TCF12: variants seen among roughly 807,000 people sequenced by gnomAD.
TCF12 encodes DNA-binding protein HTF4.
In TCF12, 45 loss-of-function variants were observed where a neutral mutation model predicts 86.0. The observed-to-expected ratio is 0.52, with a 90% CI of 0.41 to 0.67. The LOEUF is 0.67. Among genes scored for constraint, TCF12 ranks in the 30% least tolerant of loss-of-function variants. The probability of loss-of-function intolerance (pLI) is 0.00; values close to 1 mark genes in which losing one functional copy is unlikely to be tolerated. For synonymous variants in TCF12, 330 were observed against 299.6 expected (o/e 1.10, Z -1.05); for missense variants, 881 against 859.9 (o/e 1.02, Z -0.31).
upstream of TCF12, chr15:56,918,353 C>A (rs1203450624): frequency 7.0e-6 from 3 of 425,632 alleles, no homozygotes; most frequent in East Asian, 1.5e-4. Context: ...GAGGAGGCGC[C>A]ACGGTACCTG....
At chr15:57,177,559 C>T (rs1230546509) in intron 6 of TCF12, among the ~76,000 whole-genome samples, 1 of 145,886 alleles carries the variant, frequency 6.9e-6, no homozygotes, top group South Asian at 2.2e-4. Flanking sequence ...GCGTGAGCCA[C>T]TGTGCCCAGT....
chr15:57,093,176 A>T lies in TCF12; in HGVS notation c.325+1285A>T, dbSNP rs529615040. ...GGTATTATATGTATTATCATTCCAGATAAAAAAATCAGAGTTAGGTTTACA... is the reference window on the plus strand; with the variant it reads ...GGTATTATATGTATTATCATTCCAGTTAAAAAAATCAGAGTTAGGTTTACA... On this transcript the variant is annotated intron_variant, in intron 5 of 20. Transcript: ENST00000333725. Among the ~76,000 whole-genome samples the T allele has an allele frequency of 3.3e-5, 5 of 152,220 alleles. No homozygotes were observed. In the East Asian group the frequency reaches 9.6e-4, roughly 29 times the overall value.
intron 6 of TCF12, among the ~76,000 whole-genome samples, chr15:57,169,038 T>G (rs543518626): frequency 6.6e-6 from 1 of 152,214 alleles, no homozygotes; most frequent in Non-Finnish European, 1.5e-5. Context: ...AGAGGGAGAT[T>G]CTGTCTCAAA....
intron 5 of TCF12, among the ~76,000 whole-genome samples, chr15:57,136,975 T>G (rs1175962907): frequency 1.5e-5 from 1 of 65,212 alleles, no homozygotes; most frequent in South Asian, 5.6e-4. Context: ...TTTTTGTTTT[T>G]TTTTTTTTTT....
chr15:57,220,543 T>C (rs1694813623), intron 8 of TCF12, among the ~76,000 whole-genome samples: 1 of 152,212 alleles, frequency 6.6e-6, no homozygotes, highest in Admixed American at 6.5e-5. Context: ...ACTGTACTTC[T>C]GGTTGATTTA....
intron 5 of TCF12, among the ~76,000 whole-genome samples, chr15:57,152,136 A>C (rs2053806262): frequency 6.6e-6 from 1 of 152,232 alleles, no homozygotes; most frequent in Admixed American, 6.5e-5. Context: ...CACCAAGCTA[A>C]ACTCCTAACT....
chr15:57,064,810 A>G (rs1050534585), intron 4 of TCF12, among the ~76,000 whole-genome samples: 1 of 146,310 alleles, frequency 6.8e-6, no homozygotes, highest in South Asian at 2.2e-4. Context: ...AAAAAAAAAA[A>G]AAAGAGAGAG....
At chr15:57,151,393 G>A (rs772342136) in intron 5 of TCF12, among the ~76,000 whole-genome samples, 1 of 151,966 alleles carries the variant, frequency 6.6e-6, no homozygotes, top group African/African-American at 2.4e-5. Context: ...CAGTGAATTT[G>A]TAGGCATAGA....
chr15:57,081,169 C>G (rs1487039332), intron 4 of TCF12, among the ~76,000 whole-genome samples: 1 of 152,158 alleles, frequency 6.6e-6, no homozygotes, highest in African/African-American at 2.4e-5. Flanking sequence ...TTGCATTTTC[C>G]TACTTTCATT....
chr15:57,103,698 A>G (rs2049918529), intron 5 of TCF12, among the ~76,000 whole-genome samples: 1 of 152,200 alleles, frequency 6.6e-6, no homozygotes, highest in Admixed American at 6.5e-5. Flanking sequence ...ATCACCCAAT[A>G]TGGGACTAAT....
chr15:56,922,500 C>T (rs1289777450), intron 3 of TCF12, among the ~76,000 whole-genome samples: 1 of 151,932 alleles, frequency 6.6e-6, no homozygotes, highest in Non-Finnish European at 1.5e-5. Context: ...AGTATGTGAA[C>T]TGGGATATAG....
At chr15:57,039,410 C>T (rs1322314777) in intron 3 of TCF12, among the ~76,000 whole-genome samples, 1 of 152,154 alleles carries the variant, frequency 6.6e-6, no homozygotes, top group East Asian at 1.9e-4. Flanking sequence ...ACTTCATTGT[C>T]ATTTGTATAC....
chr15:57,018,129 T>C (rs1000820628), intron 3 of TCF12, among the ~76,000 whole-genome samples: 2 of 152,158 alleles, frequency 1.3e-5, no homozygotes, highest in African/African-American at 4.8e-5. Flanking sequence ...AGAGAGCGTA[T>C]TGGGGCCAAG....
intron 3 of TCF12, among the ~76,000 whole-genome samples, chr15:56,957,444 C>G (rs915398192): frequency 1.3e-5 from 2 of 152,070 alleles, no homozygotes; most frequent in Non-Finnish European, 2.9e-5. Context: ...TGGATTGTTT[C>G]TTTTCCATGC....
intron 5 of TCF12, among the ~76,000 whole-genome samples, chr15:57,138,517 A>G (rs2052719990): frequency 6.8e-6 from 1 of 148,130 alleles, no homozygotes; most frequent in Non-Finnish European, 1.5e-5. Context: ...CAAGTACTTC[A>G]CAGATAATCA....
chr15:56,982,112 C>T (rs2062923496), intron 3 of TCF12, among the ~76,000 whole-genome samples: 1 of 152,142 alleles, frequency 6.6e-6, no homozygotes, highest in Non-Finnish European at 1.5e-5. Context: ...CCAATTCATT[C>T]ATTTAACATT....
chr15:57,120,120 C>G (rs1596631832), intron 5 of TCF12, among the ~76,000 whole-genome samples: 1 of 152,178 alleles, frequency 6.6e-6, no homozygotes, highest in East Asian at 1.9e-4. Context: ...TTTATCAGTA[C>G]TTACTGCATT....
At chr15:57,178,336 C>T (rs1214434980) in intron 6 of TCF12, among the ~76,000 whole-genome samples, 2 of 152,038 alleles carry the variant, frequency 1.3e-5, no homozygotes, top group South Asian at 2.1e-4. Flanking sequence ...ACGTCCAGTA[C>T]GTAATGTTTC....
chr15:57,270,725 G>A (rs1227432040), intron 18 of TCF12, among the ~76,000 whole-genome samples: 1 of 152,100 alleles, frequency 6.6e-6, no homozygotes, highest in Non-Finnish European at 1.5e-5. Flanking sequence ...CTTTGATGTT[G>A]GTGACCTACG....
Sources: allele counts gnomAD v4.1 joint callset (sites outside exome capture counted in the v4.1 genomes callset), GRCh38; gene constraint gnomAD v4.1.1; transcripts MANE v1.5; gene names NCBI Gene and HGNC (gene_info 2026-07-23, HGNC 2026-07-21).